The following IMPG2 variants were observed in gnomAD, a reference collection of about 807,000 sequenced individuals.
IMPG2 encodes IPM 200.
Under a neutral mutation model 129.2 loss-of-function variants are expected in IMPG2, and 91 were observed. The observed-to-expected ratio is 0.70, with a 90% CI of 0.59 to 0.84. The LOEUF is 0.84. IMPG2 is among the 40% of genes least tolerant of loss of function. The pLI is 0.00. For missense variants in IMPG2, 1,430 were observed against 1,461.7 expected (o/e 0.98, Z 0.35); for synonymous variants, 510 against 517.7 (o/e 0.99, Z 0.20).
rs761529045 is a variant in IMPG2, at chr3:101,244,325, T to C, written c.2006A>G (p.His669Arg). The C allele has an allele frequency of 3.7e-6, 6 of 1,613,956 alleles. No homozygotes were observed. Among genetic ancestry groups the C allele is most frequent in the Non-Finnish European group, 8.5e-7 (1 of 1,179,934 alleles). The stretch of plus-strand genomic sequence containing the variant: ...TGGAAAGTGTGTGGATCTGTCATCA[T>C]GTTCATATTTTGAGTGCTTACTAAT... ...DQISKHSKYE[H>R]DDRSTHFPEE... Residue 669 changes from histidine (H) to arginine (R), a missense_variant, in exon 13 of 19, where the codon CAT becomes CGT. Transcript: ENST00000193391.
chr3:101,232,689 T>C, intron 15 of IMPG2, 92 bp downstream of exon 15: 2 of 1,049,268 alleles, frequency 1.9e-6, no homozygotes, highest in Admixed American at 1.9e-5. Flanking sequence ...ATGCATACTA[T>C]AATAAGTATC....
chr3:101,229,320 G>GGGGCCCCCCC, intron 17 of IMPG2, 60 bp downstream of exon 17: 1 of 519,342 alleles, frequency 1.9e-6, no homozygotes, highest in Non-Finnish European at 3.0e-6. Context: ...ACCACCCCCT[G>GGGGCCCCCCC]CTCCCCCACA....
Position 101,244,038 on chromosome 3 carries a change from T to C in IMPG2, c.2293A>G (p.Met765Val), listed in dbSNP as rs753632686. 1.9e-6 allele frequency: 3 copies of C among 1,614,116 alleles called. No individual in the cohort carries two copies. Among genetic ancestry groups the C allele is most frequent in the South Asian group, 1.1e-5 (1 of 91,086 alleles). ...NYEWFDSEVSMVKPDMQTLWT... is the reference protein window; with the variant it reads ...NYEWFDSEVSVVKPDMQTLWT... ...AAAGTTTGCATATCTGGCTTTACCA[T>C]TGAAACCTCACTGTCAAACCATTCA... The change falls in exon 13 of 19, where the codon ATG (methionine) becomes GTG (valine). Residue 765 changes from methionine to valine, a missense_variant. By Grantham distance (21) the Met-to-Val change is conservative. Transcript: ENST00000193391.
intron 9 of IMPG2, among the ~76,000 whole-genome samples, chr3:101,266,191 C>T (rs1297801616): frequency 6.6e-6 from 1 of 152,104 alleles, no homozygotes; most frequent in Non-Finnish European, 1.5e-5. Context: ...CCAGCAATCC[C>T]ACTACTGGGC....
intron 3 of IMPG2, among the ~76,000 whole-genome samples, chr3:101,292,403 A>G (rs1313639193): frequency 6.6e-6 from 1 of 152,222 alleles, no homozygotes; most frequent in Non-Finnish European, 1.5e-5. Flanking sequence ...TGTATATAAA[A>G]GTTATGCTTA....
At chr3:101,228,768 C>T (rs1261661306) in intron 18 of IMPG2, 29 bp downstream of exon 18, 10 of 1,566,078 alleles carry the variant, frequency 6.4e-6, no homozygotes, top group South Asian at 3.3e-5. Context: ...GTCTGTAGGT[C>T]GGGGTGGGGG....
chr3:101,230,989 G>A lies in IMPG2; in HGVS notation c.3390C>T (p.His1130=), dbSNP rs1327771890. 3 of 1,613,604 alleles carry A rather than the reference G, an allele frequency of 1.9e-6. No homozygotes were observed. In the African/African-American group the frequency reaches 4.0e-5, roughly 22 times the overall value. ...IYFFIRTLQA[H]HDRSERESPF... ...GACTCTCTCTTTCACTCCTGTCATG[G>A]TGTGCTTGGAGAGTCCTGATGAAGA... The change falls in exon 16 of 19, where the codon CAC becomes CAT. Residue 1130 remains histidine (H), a synonymous_variant. Transcript: ENST00000193391.
intron 7 of IMPG2, among the ~76,000 whole-genome samples, chr3:101,270,119 T>C (rs963333009): frequency 2.6e-5 from 4 of 152,024 alleles, no homozygotes; most frequent in African/African-American, 9.7e-5. Flanking sequence ...GTATTTTTAC[T>C]AGAGGCGGGG....
At chr3:101,291,829 C>T (rs1331888332) in intron 3 of IMPG2, among the ~76,000 whole-genome samples, 1 of 152,096 alleles carries the variant, frequency 6.6e-6, no homozygotes, top group Non-Finnish European at 1.5e-5. Context: ...TTTACATAAA[C>T]CTGCCATGGA....
chr3:101,261,161 C>T (rs1050815160), intron 9 of IMPG2, among the ~76,000 whole-genome samples: 1 of 152,078 alleles, frequency 6.6e-6, no homozygotes, highest in South Asian at 2.1e-4. Context: ...CAAGTCTTAG[C>T]GTGATAGACC....
chr3:101,244,252 A>C lies in IMPG2; in HGVS notation c.2079T>G (p.Thr693=), dbSNP rs1329569570. 6.2e-7 allele frequency: 1 copy of C among 1,613,894 alleles called. No homozygotes were observed. Among genetic ancestry groups the C allele is most frequent in the African/African-American group, 1.3e-5 (1 of 74,942 alleles). The stretch of plus-strand genomic sequence containing the variant: ...GGGTTAGAGACGCAGATTCAGCTGC[A>C]GTATCTGCGAAGATGGGCACAGCAG... The part of the protein sequence containing the change: ...SGPAVPIFAD[T]AAESASLTLP... Residue 693 remains threonine (T), a synonymous_variant, in exon 13 of 19, where the codon ACT becomes ACG. Coordinates refer to ENST00000193391, the MANE Select transcript of IMPG2 (RefSeq NM_016247.4).
chr3:101,247,199 A>AAGAT (rs1320975888), intron 11 of IMPG2, among the ~76,000 whole-genome samples: 1 of 152,230 alleles, frequency 6.6e-6, no homozygotes, highest in East Asian at 1.9e-4. Flanking sequence ...CTGAATAACA[A>AAGAT]AGATAGATAA....
intron 9 of IMPG2, among the ~76,000 whole-genome samples, chr3:101,264,644 A>G (rs1576756327): frequency 6.6e-6 from 1 of 152,258 alleles, no homozygotes; most frequent in East Asian, 1.9e-4. Flanking sequence ...GGAACAAGGC[A>G]AGAATGCCCA....
rs547458849 is a variant in IMPG2 at position 101,224,888 on chromosome 3, C to T, written c.*2081G>A. On this transcript the variant is annotated 3_prime_UTR_variant, in exon 19 of 19. Coordinates refer to ENST00000193391, the MANE Select transcript of IMPG2 (RefSeq NM_016247.4). ...AGAGATGGTGACGTGTGTCAGAATT[C>T]CCAAATTCCCACTTCACTGCTTAGT... The T allele has an allele frequency of 9.8e-5, 15 of 152,300 alleles. No individual in the cohort carries two copies. Among genetic ancestry groups the T allele is most frequent in the African/African-American group, 3.6e-4 (15 of 41,564 alleles). The allele number at this position is 152,300 out of a possible 1,614,324, so 9.4% of individuals were successfully genotyped here. A position where few individuals can be genotyped will look rare whatever the true frequency, so the allele number is the denominator to read the frequency against.
At position 101,288,519 on chromosome 3, in the gene IMPG2, G is replaced by A. The variant is rs377427716; in HGVS notation, c.533+2960C>T. 2.5e-4 allele frequency among the ~76,000 whole-genome samples: 38 copies of A among 152,220 alleles called. No individual in the cohort carries two copies. The East Asian group carries it at 2.7e-3, about 11-fold the overall frequency. On this transcript the variant is annotated intron_variant, in intron 4 of 18. Coordinates refer to ENST00000193391, the MANE Select transcript of IMPG2 (RefSeq NM_016247.4). Reference sequence around the variant, plus strand: ...TATACACCATGGAATACTATGCAGCGATGAAAAAGAATGAACTCATGTCCT... The same window carrying A: ...TATACACCATGGAATACTATGCAGCAATGAAAAAGAATGAACTCATGTCCT...
intron 16 of IMPG2, among the ~76,000 whole-genome samples, chr3:101,230,274 A>G (rs1338636345): frequency 3.9e-5 from 6 of 152,206 alleles, no homozygotes; most frequent in African/African-American, 1.4e-4. Flanking sequence ...GCAAAGTACA[A>G]TATGTGATTA....
At position 101,226,819 on chromosome 3, in the gene IMPG2, G is replaced by GA. The variant is rs536388487; in HGVS notation, c.*149dup. 4,012 of 706,234 alleles carry GA rather than the reference G, an allele frequency of 5.7e-3. No individual in the cohort carries two copies. Among genetic ancestry groups the GA allele is most frequent in the East Asian group, 9.9e-3 (358 of 36,156 alleles). 43.7% of individuals were successfully genotyped at this position (706,234 alleles called of 1,614,324 possible). ...TTACTACATTCTGAAAACTTAAGCT[G>GA]AAAAAAAAACAGTGTGCCCTATATT... On this transcript the variant is annotated 3_prime_UTR_variant, in exon 19 of 19. Transcript: ENST00000193391.
At chr3:101,317,859 T>C (rs1311839386) in intron 2 of IMPG2, among the ~76,000 whole-genome samples, 2 of 152,150 alleles carry the variant, frequency 1.3e-5, no homozygotes, top group African/African-American at 4.8e-5. Context: ...ATCCCTTACA[T>C]GATTGGTTAT....
intron 9 of IMPG2, among the ~76,000 whole-genome samples, chr3:101,258,182 C>T (rs1474412816): frequency 1.3e-5 from 2 of 152,032 alleles, no homozygotes; most frequent in African/African-American, 2.4e-5. Flanking sequence ...TGCAAAATCA[C>T]TTCATTATTG....
Sources: gnomAD v4.1 joint callset for allele counts (sites outside exome capture counted in the v4.1 genomes callset) on GRCh38, gnomAD v4.1.1 for gene constraint, MANE v1.5 for transcripts, NCBI Gene and HGNC (gene_info 2026-07-23, HGNC 2026-07-21) for gene names.